DGCR2: variants seen among roughly 807,000 people sequenced by gnomAD.
DGCR2 encodes DiGeorge syndrome critical region gene 2, also known as integral membrane protein DGCR2/IDD.
Under a neutral mutation model 51.6 loss-of-function variants are expected in DGCR2, and 24 were observed. The observed-to-expected ratio is 0.47, with a 90% confidence interval of 0.34 to 0.65. The LOEUF (loss-of-function observed/expected upper bound fraction) is 0.65, where lower values mean the gene tolerates loss of function less well. Among genes scored for constraint, DGCR2 ranks in the 30% least tolerant of loss-of-function variants. The probability of loss-of-function intolerance (pLI) is 0.01; values close to 1 mark genes in which losing one functional copy is unlikely to be tolerated. For synonymous variants in DGCR2, 340 were observed against 315.4 expected (o/e 1.08, Z -0.82); for missense variants, 765 against 772.1 (o/e 0.99, Z 0.11).
chr22:19,045,359 T>C (rs374514049), intron 7 of DGCR2: 4 of 133,252 alleles, frequency 3.0e-5, no homozygotes, highest in African/African-American at 9.0e-5. Context: ...TGCACTTGAC[T>C]CGTCTTAAAC....
At chr22:19,041,392 CCT>C (rs2082430341) in intron 8 of DGCR2, 98 bp from the exon 9 acceptor site, 2 of 1,201,590 alleles carry the variant, frequency 1.7e-6, no homozygotes, top group Non-Finnish European at 2.4e-6. Flanking sequence ...GCCTGCCGTC[CCT>C]GAGTGCACAC....
intron 2 of DGCR2, among the ~76,000 whole-genome samples, chr22:19,078,775 G>T (rs1260498163): frequency 6.6e-6 from 1 of 152,156 alleles, no homozygotes; most frequent in Non-Finnish European, 1.5e-5. Flanking sequence ...CTAGTATTTT[G>T]TTGAGGATTT....
chr22:19,066,109 G>C (rs915793404), intron 3 of DGCR2, among the ~76,000 whole-genome samples: 13 of 152,198 alleles, frequency 8.5e-5, no homozygotes, highest in Admixed American at 5.9e-4. Flanking sequence ...TGCAGACAAG[G>C]AATCAGAGGG....
At chr22:19,109,399 A>C (rs1429825410) in intron 1 of DGCR2, among the ~76,000 whole-genome samples, 1 of 152,234 alleles carries the variant, frequency 6.6e-6, no homozygotes, top group Non-Finnish European at 1.5e-5. Context: ...GAAGCGACCC[A>C]GGTGTACACT....
chr22:19,103,579 C>A (rs979385223), intron 1 of DGCR2, among the ~76,000 whole-genome samples: 3 of 149,886 alleles, frequency 2.0e-5, no homozygotes, highest in Non-Finnish European at 4.4e-5. Context: ...TAGGCGCGCA[C>A]CATCACGCCC....
At chr22:19,096,878 C>T (rs1308140022) in intron 1 of DGCR2, among the ~76,000 whole-genome samples, 6 of 134,846 alleles carry the variant, frequency 4.4e-5, no homozygotes, top group Admixed American at 7.4e-5. Context: ...AGTGTCCATT[C>T]TATTAAAAAA....
intron 1 of DGCR2, among the ~76,000 whole-genome samples, chr22:19,108,604 A>G (rs939770033): frequency 7.6e-6 from 1 of 131,598 alleles, no homozygotes; most frequent in Non-Finnish European, 1.7e-5. Context: ...AAAAAAAAAA[A>G]GATGCACAGG....
intron 9 of DGCR2, among the ~76,000 whole-genome samples, chr22:19,039,914 G>A (rs2082412723): frequency 6.6e-6 from 1 of 152,192 alleles, no homozygotes; most frequent in South Asian, 2.1e-4. Flanking sequence ...GGTCTCACAG[G>A]CTGGTCTCGA....
At position 19,107,598 on chromosome 22, in the gene DGCR2, G is replaced by C. The variant is rs2083272259; in HGVS notation, c.79+14530C>G. On this transcript the variant is annotated intron_variant, in intron 1 of 9. Transcript: ENST00000263196. Reference sequence around the variant, plus strand: ...GTTTAAAATAAGTTATCCTAGAAAAGAAGGGAAGGTCCTAAGAAAAAGGAA... The same window carrying C: ...GTTTAAAATAAGTTATCCTAGAAAACAAGGGAAGGTCCTAAGAAAAAGGAA... 1.3e-5 allele frequency among the ~76,000 whole-genome samples: 2 copies of C among 152,144 alleles called. 1 individual carries two copies. The highest frequency in any genetic ancestry group is 4.1e-4 in the South Asian group (2 of 4,832).
chr22:19,102,643 A>G (rs1471335522), intron 1 of DGCR2, among the ~76,000 whole-genome samples: 1 of 151,852 alleles, frequency 6.6e-6, no homozygotes, highest in Admixed American at 6.6e-5. Context: ...TGGAGCTTGC[A>G]GTGAGCCAAG....
intron 1 of DGCR2, 161 bp downstream of exon 1, chr22:19,121,967 G>A: frequency 3.0e-6 from 1 of 330,948 alleles, no homozygotes; most frequent in Admixed American, 5.1e-5. Flanking sequence ...GCTCCAGCAG[G>A]CGTCCGCAGA....
chr22:19,046,769 G>A (rs1291287472), intron 7 of DGCR2: 1 of 446,910 alleles, frequency 2.2e-6, no homozygotes, highest in Non-Finnish European at 4.5e-6. Context: ...CCGTGCAGGA[G>A]AGAGGGCTGC....
At chr22:19,064,037 C>T (rs1354971956) in intron 4 of DGCR2, among the ~76,000 whole-genome samples, 1 of 152,242 alleles carries the variant, frequency 6.6e-6, no homozygotes, top group Admixed American at 6.5e-5. Flanking sequence ...GCATGCAGGC[C>T]TAGCACTGAA....
intron 2 of DGCR2, among the ~76,000 whole-genome samples, chr22:19,079,658 AC>A (rs937709126): frequency 4.6e-5 from 7 of 152,202 alleles, no homozygotes; most frequent in Admixed American, 3.9e-4. Flanking sequence ...CCTCACAACA[AC>A]CCCAAGTGAC....
intron 2 of DGCR2, 128 bp from the exon 3 acceptor site, chr22:19,068,353 G>T: frequency 8.7e-7 from 1 of 1,149,234 alleles, no homozygotes; most frequent in Non-Finnish European, 1.1e-6. Flanking sequence ...GTCCGGCAAT[G>T]CAGGCTTTCT....
intron 1 of DGCR2, among the ~76,000 whole-genome samples, chr22:19,103,392 T>C (rs1601294681): frequency 6.6e-6 from 1 of 150,672 alleles, no homozygotes; most frequent in East Asian, 1.9e-4. Flanking sequence ...ATTGTATGTG[T>C]ATTTTACCAC....
At chr22:19,065,168 T>G (rs972939767) in intron 3 of DGCR2, 101 bp from the exon 4 acceptor site, 18 of 1,026,410 alleles carry the variant, frequency 1.8e-5, no homozygotes, top group Non-Finnish European at 2.6e-5. Context: ...TAAATCACCC[T>G]AGAGAAGTGG....
intron 6 of DGCR2, among the ~76,000 whole-genome samples, chr22:19,053,521 A>C (rs2082570569): frequency 6.6e-6 from 1 of 152,042 alleles, no homozygotes; most frequent in Non-Finnish European, 1.5e-5. Flanking sequence ...GCCCAGCCCA[A>C]CTCTCGCCCA....
chr22:19,077,477 G>T (rs193247777), intron 2 of DGCR2, among the ~76,000 whole-genome samples: 1 of 152,298 alleles, frequency 6.6e-6, no homozygotes, highest in Admixed American at 6.5e-5. Flanking sequence ...CATCCTTGTG[G>T]AAAATAATTT....
Sources: allele counts gnomAD v4.1 joint callset (sites outside exome capture counted in the v4.1 genomes callset), GRCh38; gene constraint gnomAD v4.1.1; transcripts MANE v1.5; gene names NCBI Gene and HGNC (gene_info 2026-07-23, HGNC 2026-07-21).